CNTNAP2: variants seen among roughly 807,000 people sequenced by gnomAD.
The protein encoded by CNTNAP2 is contactin associated protein 2.
In CNTNAP2, 98 loss-of-function variants were observed where a neutral mutation model predicts 155.2. The observed-to-expected ratio is 0.63, with a 90% CI of 0.54 to 0.75. CNTNAP2 has a LOEUF of 0.75. Among genes scored for constraint, CNTNAP2 ranks in the 30% least tolerant of loss-of-function variants. The pLI is 0.00. For synonymous variants in CNTNAP2, 651 were observed against 631.2 expected, an observed-to-expected ratio of 1.03 and a Z score of -0.47; for missense variants, 1,727 against 1,688.1, an observed-to-expected ratio of 1.02 and a Z score of -0.40.
intron 3 of CNTNAP2, among the ~76,000 whole-genome samples, chr7:146,895,157 T>C (rs756562012): frequency 1.1e-4 from 16 of 151,992 alleles, no homozygotes; most frequent in Non-Finnish European, 1.9e-4. Flanking sequence ...ATCTAGGTGT[T>C]TTAATCCCCT....
rs549314949 is a variant in CNTNAP2 at position 146,274,732 on chromosome 7, C to T, written c.97+157759C>T. Among the ~76,000 whole-genome samples the T allele has an allele frequency of 7.2e-5, 11 of 152,180 alleles. No homozygotes were observed. In the East Asian group the frequency reaches 2.1e-3, roughly 29 times the overall value. ...AGAAATGGGCAGTGCAGGAGCAATT[C>T]TAACTCATTTCTGAGTAAATATATA... On this transcript the variant is annotated intron_variant, in intron 1 of 23. Transcript: ENST00000361727.
intron 1 of CNTNAP2, among the ~76,000 whole-genome samples, chr7:146,163,559 ATATCTATCTATATC>A (rs1798263542): frequency 1.5e-5 from 2 of 130,426 alleles, no homozygotes; most frequent in Non-Finnish European, 3.2e-5. Flanking sequence ...ATCTATATCT[ATATCTATCTATATC>A]TATCTATCTA....
intron 1 of CNTNAP2, among the ~76,000 whole-genome samples, chr7:146,759,550 C>A (rs776745872): frequency 3.3e-5 from 5 of 151,858 alleles, no homozygotes; most frequent in Non-Finnish European, 5.9e-5. Context: ...AAAAAATTAG[C>A]TAGGTGTGGT....
intron 1 of CNTNAP2, among the ~76,000 whole-genome samples, chr7:146,683,355 A>C (rs1800538884): frequency 6.6e-6 from 1 of 152,154 alleles, no homozygotes; most frequent in Non-Finnish European, 1.5e-5. Flanking sequence ...AAAATATTTC[A>C]GTGATTTGGC....
chr7:148,033,257 A>G (rs1179686649), intron 15 of CNTNAP2, among the ~76,000 whole-genome samples: 1 of 151,994 alleles, frequency 6.6e-6, no homozygotes, highest in Non-Finnish European at 1.5e-5. Context: ...AATTCTTCGT[A>G]ATTTAGAAGA....
chr7:147,368,478 G>T (rs1271590476), intron 9 of CNTNAP2, among the ~76,000 whole-genome samples: 1 of 152,088 alleles, frequency 6.6e-6, no homozygotes, highest in Non-Finnish European at 1.5e-5. Context: ...CTAATATTTT[G>T]AGGCATTTCA....
intron 17 of CNTNAP2, among the ~76,000 whole-genome samples, chr7:148,162,556 G>A (rs1033334281): frequency 4.6e-5 from 7 of 152,190 alleles, no homozygotes; most frequent in Non-Finnish European, 8.8e-5. Flanking sequence ...CTGAGCTTTT[G>A]CACTAAGAAA....
chr7:148,398,684 A>C lies in CNTNAP2; in HGVS notation c.3716-10707A>C, dbSNP rs755858494. On this transcript the variant is annotated intron_variant, in intron 22 of 23. Coordinates refer to ENST00000361727, the MANE Select transcript of CNTNAP2 (RefSeq NM_014141.6). ...ATCTCTTGAGTAGACTTAAGGTGAT[A>C]AAATGTTATTTTCACTGAGCTCCCA... Among the ~76,000 whole-genome samples the C allele has an allele frequency of 2.0e-4, 31 of 152,318 alleles. 1 individual carries two copies. Among genetic ancestry groups the C allele is most frequent in the Middle Eastern group, 6.8e-3 (2 of 294 alleles).
chr7:147,427,628 T>TCATATTCA (rs1469911514), intron 10 of CNTNAP2, among the ~76,000 whole-genome samples: 16 of 152,142 alleles, frequency 1.1e-4, no homozygotes, highest in African/African-American at 3.9e-4. Flanking sequence ...ATAAACTACA[T>TCATATTCA]CATATTCACA....
intron 3 of CNTNAP2, among the ~76,000 whole-genome samples, chr7:146,894,701 A>C (rs1036028008): frequency 6.6e-6 from 1 of 152,166 alleles, no homozygotes; most frequent in African/African-American, 2.4e-5. Flanking sequence ...CAGATAGTGT[A>C]AAATGTTCTT....
At chr7:147,245,502 A>G (rs1804039711) in intron 8 of CNTNAP2, among the ~76,000 whole-genome samples, 1 of 152,022 alleles carries the variant, frequency 6.6e-6, no homozygotes, top group Non-Finnish European at 1.5e-5. Context: ...CTTGAGAGGA[A>G]ACCCATTTGC....
In CNTNAP2 at chr7:147,903,678, G is replaced by A. The variant is rs138166992; in HGVS notation, c.2212G>A (p.Asp738Asn). ...CACGIERNCT[D>N]PKYYCNCDAD... ...CTGCGGCATCGAACGCAACTGCACAGATCCCAAGTACTACTGTAACTGCGA... is the reference window on the plus strand; with the variant it reads ...CTGCGGCATCGAACGCAACTGCACAAATCCCAAGTACTACTGTAACTGCGA... The change falls in exon 14 of 24, where the codon GAT becomes AAT. Residue 738 changes from aspartate (D) to asparagine (N), a missense_variant. Transcript: ENST00000361727. The A allele has an allele frequency of 8.7e-6, 14 of 1,614,004 alleles. No homozygotes were observed. Among genetic ancestry groups the A allele is most frequent in the African/African-American group, 2.7e-5 (2 of 75,060 alleles).
chr7:148,306,272 C>G (rs1258839248), intron 21 of CNTNAP2, among the ~76,000 whole-genome samples: 2 of 152,138 alleles, frequency 1.3e-5, no homozygotes, highest in Admixed American at 6.5e-5. Context: ...TTTCTGAAAT[C>G]TCATGAATAT....
chr7:146,564,366 A>T (rs1798325144), intron 1 of CNTNAP2, among the ~76,000 whole-genome samples: 1 of 151,972 alleles, frequency 6.6e-6, no homozygotes, highest in South Asian at 2.1e-4. Flanking sequence ...TTATTTCCTT[A>T]TCTGTATCTA....
chr7:147,701,987 C>T (rs181108611), intron 13 of CNTNAP2, among the ~76,000 whole-genome samples: 8 of 150,176 alleles, frequency 5.3e-5, no homozygotes, highest in African/African-American at 2.0e-4. Flanking sequence ...GTTTCCTTAA[C>T]TGAGGGAAAA....
At chr7:147,471,353 C>A (rs1359180458) in intron 10 of CNTNAP2, among the ~76,000 whole-genome samples, 1 of 152,106 alleles carries the variant, frequency 6.6e-6, no homozygotes, top group Non-Finnish European at 1.5e-5. Context: ...AGACAACAGG[C>A]CTAGTATTTC....
intron 1 of CNTNAP2, among the ~76,000 whole-genome samples, chr7:146,563,111 A>G (rs1798304717): frequency 1.3e-5 from 2 of 152,216 alleles, no homozygotes; most frequent in African/African-American, 2.4e-5. Flanking sequence ...AAAATACGGA[A>G]GTGAACTGAT....
intron 1 of CNTNAP2, among the ~76,000 whole-genome samples, chr7:146,450,764 A>G (rs1163792599): frequency 6.6e-6 from 1 of 152,162 alleles, no homozygotes; most frequent in Non-Finnish European, 1.5e-5. Flanking sequence ...TCTTATCTTC[A>G]ATTTTTTTCC....
At chr7:147,182,900 T>C (rs73156412) in intron 8 of CNTNAP2, among the ~76,000 whole-genome samples, 2,412 of 152,264 alleles carry the variant, frequency 0.016, 26 homozygotes, top group South Asian at 0.042. Context: ...GAAATACTTA[T>C]ATTATTCAGT....
Sources: gnomAD v4.1 joint callset for allele counts (sites outside exome capture counted in the v4.1 genomes callset) on GRCh38, gnomAD v4.1.1 for gene constraint, MANE v1.5 for transcripts, NCBI Gene and HGNC (gene_info 2026-07-23, HGNC 2026-07-21) for gene names.